Variants in ITGBL1 observed in about 807,000 individuals in gnomAD.
The protein encoded by ITGBL1 is integrin subunit beta like 1.
ITGBL1 carries 51 observed loss-of-function variants against 68.5 expected under a neutral mutation model. That is an observed-to-expected ratio of 0.74 (90% CI 0.59 to 0.94). ITGBL1 has a LOEUF of 0.94. Among genes scored for constraint, ITGBL1 ranks in the 40% least tolerant of loss-of-function variants. ITGBL1 has a pLI of 0.00. For synonymous variants in ITGBL1, 209 were observed against 227.3 expected (o/e 0.92, Z 0.72); for missense variants, 649 against 647.4 (o/e 1.00, Z -0.03).
chr13:101,676,880 C>T (rs2033517399), intron 7 of ITGBL1, among the ~76,000 whole-genome samples: 1 of 152,118 alleles, frequency 6.6e-6, no homozygotes, highest in South Asian at 2.1e-4. Flanking sequence ...CTGTCTCACA[C>T]CTGTAATCCC....
At chr13:101,643,299 C>A (rs868146386) in intron 7 of ITGBL1, among the ~76,000 whole-genome samples, 1 of 149,676 alleles carries the variant, frequency 6.7e-6, no homozygotes, top group Non-Finnish European at 1.5e-5. Flanking sequence ...AAGTTGGATT[C>A]CTAGGTATTT....
intron 2 of ITGBL1, among the ~76,000 whole-genome samples, chr13:101,542,806 T>C (rs1036934040): frequency 1.3e-5 from 2 of 152,216 alleles, no homozygotes; most frequent in African/African-American, 4.8e-5. Context: ...TTTACTATTG[T>C]GTAATGGCCT....
At chr13:101,508,991 AAAAAG>A (rs1469603932) in intron 2 of ITGBL1, among the ~76,000 whole-genome samples, 5 of 152,326 alleles carry the variant, frequency 3.3e-5, no homozygotes, top group Admixed American at 6.5e-5. Flanking sequence ...ATCACAAACA[AAAAAG>A]AAAAGAAAAG....
chr13:101,665,784 G>T (rs1594965646), intron 7 of ITGBL1, among the ~76,000 whole-genome samples: 1 of 152,046 alleles, frequency 6.6e-6, no homozygotes, highest in South Asian at 2.1e-4. Context: ...TGAAGGGAGG[G>T]TTCTTATGCA....
chr13:101,647,392 A>C (rs906913988), intron 7 of ITGBL1, among the ~76,000 whole-genome samples: 3 of 152,210 alleles, frequency 2.0e-5, no homozygotes, highest in African/African-American at 7.2e-5. Flanking sequence ...ACATTTTAAA[A>C]ATTAATATGT....
chr13:101,541,137 T>G (rs905009684), intron 2 of ITGBL1, among the ~76,000 whole-genome samples: 1 of 149,396 alleles, frequency 6.7e-6, no homozygotes, highest in African/African-American at 2.5e-5. Flanking sequence ...TGTGCCAGTT[T>G]TCAAAGGGAA....
intron 2 of ITGBL1, chr13:101,489,999 A>G (rs2048752989): frequency 8.9e-6 from 13 of 1,459,352 alleles, no homozygotes; most frequent in Non-Finnish European, 1.2e-5. Flanking sequence ...CATTTAATAA[A>G]GGTAAGTAGT....
chr13:101,615,135 G>A (rs2031300090), intron 7 of ITGBL1, among the ~76,000 whole-genome samples: 1 of 151,906 alleles, frequency 6.6e-6, no homozygotes, highest in African/African-American at 2.4e-5. Context: ...GCGTTCCTTG[G>A]CTTGTGACTG....
chr13:101,667,498 G>T (rs960561408), intron 7 of ITGBL1, among the ~76,000 whole-genome samples: 47 of 150,726 alleles, frequency 3.1e-4, no homozygotes, highest in African/African-American at 9.5e-4. Flanking sequence ...AAAAGGAAAA[G>T]AAAGTAAAAG....
At chr13:101,511,683 C>CACAAGGAA (rs2049118393) in intron 2 of ITGBL1, among the ~76,000 whole-genome samples, 1 of 152,054 alleles carries the variant, frequency 6.6e-6, no homozygotes, top group Non-Finnish European at 1.5e-5. Context: ...ATCCTATAGC[C>CACAAGGAA]ACAAGGAAAT....
At chr13:101,703,952 T>C (rs1315213879) in intron 8 of ITGBL1, among the ~76,000 whole-genome samples, 1 of 152,108 alleles carries the variant, frequency 6.6e-6, no homozygotes. Context: ...ACATAGGCCT[T>C]GGAACCTGGG....
At chr13:101,556,002 C>T (rs183024951) in intron 2 of ITGBL1, among the ~76,000 whole-genome samples, 1 of 152,172 alleles carries the variant, frequency 6.6e-6, no homozygotes, top group African/African-American at 2.4e-5. Context: ...GTTAGGGCAA[C>T]CTGCTCTCCA....
At chr13:101,549,484 A>G (rs1419046918) in intron 2 of ITGBL1, among the ~76,000 whole-genome samples, 1 of 152,024 alleles carries the variant, frequency 6.6e-6, no homozygotes, top group Admixed American at 6.6e-5. Flanking sequence ...AAGTCAAAAG[A>G]TCAAAAATAA....
chr13:101,675,256 T>C (rs2033473249), intron 7 of ITGBL1, among the ~76,000 whole-genome samples: 2 of 152,182 alleles, frequency 1.3e-5, no homozygotes, highest in Non-Finnish European at 2.9e-5. Context: ...TTGTCATGAC[T>C]GTGTTATGTC....
chr13:101,485,322 T>G (rs2048685791), intron 2 of ITGBL1, among the ~76,000 whole-genome samples: 1 of 152,120 alleles, frequency 6.6e-6, no homozygotes, highest in South Asian at 2.1e-4. Context: ...TGTGGTGCAT[T>G]TTTCTTTTAT....
chr13:101,543,967 G>A (rs529841683), intron 2 of ITGBL1, among the ~76,000 whole-genome samples: 34 of 151,830 alleles, frequency 2.2e-4, no homozygotes, highest in African/African-American at 5.1e-4. Context: ...ATTTTTTTTC[G>A]AGGTTTTTAA....
At chr13:101,636,117 T>A (rs1301975548) in intron 7 of ITGBL1, among the ~76,000 whole-genome samples, 1 of 152,120 alleles carries the variant, frequency 6.6e-6, no homozygotes, top group East Asian at 1.9e-4. Flanking sequence ...TGCAATACAC[T>A]TTTGAGTTTT....
chr13:101,703,161 G>A (rs1422361836), intron 8 of ITGBL1, among the ~76,000 whole-genome samples: 1 of 137,366 alleles, frequency 7.3e-6, no homozygotes, highest in Non-Finnish European at 1.5e-5. Flanking sequence ...AGTCAAAAAA[G>A]TTCCACAGGA....
chr13:101,683,012 T>C (rs2033678374), intron 7 of ITGBL1, among the ~76,000 whole-genome samples: 1 of 152,132 alleles, frequency 6.6e-6, no homozygotes, highest in Admixed American at 6.6e-5. Flanking sequence ...TGAATATTTT[T>C]GAAACATGGC....
Sources: allele counts gnomAD v4.1 joint callset (sites outside exome capture counted in the v4.1 genomes callset), GRCh38; gene constraint gnomAD v4.1.1; transcripts MANE v1.5; gene names NCBI Gene and HGNC (gene_info 2026-07-23, HGNC 2026-07-21).